The following GABARAPL1 variants were observed in gnomAD, a reference collection of about 807,000 sequenced individuals.
GABARAPL1 encodes the protein GABA type A receptor associated protein like 1, also known as gamma-aminobutyric acid receptor-associated protein-like 1.
A neutral mutation model predicts 14.5 loss-of-function variants in GABARAPL1; 4 were observed. The observed-to-expected ratio is 0.28, with a 90% CI of 0.14 to 0.63. The LOEUF (loss-of-function observed/expected upper bound fraction) is 0.63. Ranked by LOEUF, GABARAPL1 falls within the 30% of genes least tolerant of loss-of-function variation. The probability of loss-of-function intolerance (pLI) is 0.84; values close to 1 mark genes in which losing one functional copy is unlikely to be tolerated. For missense variants in GABARAPL1, 82 were observed against 139.2 expected, an observed-to-expected ratio of 0.59 and a Z score of 2.07; for synonymous variants, 47 against 50.6, an observed-to-expected ratio of 0.93 and a Z score of 0.30.
At chr12:10,220,872 G>C in intron 3 of GABARAPL1, 1 of 1,413,816 alleles carries the variant, frequency 7.1e-7, no homozygotes, top group South Asian at 1.6e-5. Flanking sequence ...GTTCCAAAGC[G>C]TCAGCCCATC....
At chr12:10,217,444 G>C (rs750821653) in intron 1 of GABARAPL1, among the ~76,000 whole-genome samples, 1 of 152,154 alleles carries the variant, frequency 6.6e-6, no homozygotes, top group Non-Finnish European at 1.5e-5. Flanking sequence ...TTAAATACCA[G>C]AAGGTGGCCA....
chr12:10,214,580 AGTTTTATTG>A (rs1385021404), intron 1 of GABARAPL1: 8 of 152,194 alleles, frequency 5.3e-5, no homozygotes, highest in Non-Finnish European at 1.0e-4. Context: ...AATACAATCA[AGTTTTATTG>A]ATAGTTTACC....
At chr12:10,219,318 CA>C (rs199678817) in intron 2 of GABARAPL1, among the ~76,000 whole-genome samples, 4 of 112,776 alleles carry the variant, frequency 3.5e-5, no homozygotes, top group Admixed American at 1.1e-4. Context: ...GACTCCGCCT[CA>C]AAAAAACAAA....
rs535086810 is a variant in GABARAPL1, at chr12:10,216,163, G to A, written c.91-1900G>A. ...AGGCGGGTGGAGCACTTGAGGTCAG[G>A]AGTTCGAAACCAGCCTGGCATCATG... On this transcript the variant is annotated intron_variant, in intron 1 of 3. Coordinates refer to ENST00000266458, the MANE Select transcript of GABARAPL1 (RefSeq NM_031412.4). Among the ~76,000 whole-genome samples the A allele has an allele frequency of 3.9e-5, 6 of 152,158 alleles. No individual in the cohort carries two copies. The East Asian group carries it at 1.2e-3, about 29-fold the overall frequency.
At chr12:10,213,841 G>A in intron 1 of GABARAPL1, 3 of 455,908 alleles carry the variant, frequency 6.6e-6, no homozygotes, top group Non-Finnish European at 1.3e-5. Context: ...TCTAGGCTCC[G>A]GGGCTTGTGT....
intron 2 of GABARAPL1, among the ~76,000 whole-genome samples, chr12:10,218,954 C>T (rs1949105198): frequency 6.6e-6 from 1 of 151,860 alleles, no homozygotes; most frequent in Admixed American, 6.5e-5. Context: ...TCAGGTGATC[C>T]ACCCGCCTTG....
intron 1 of GABARAPL1, among the ~76,000 whole-genome samples, chr12:10,217,323 C>CA (rs1317865314): frequency 6.6e-6 from 1 of 152,114 alleles, no homozygotes; most frequent in African/African-American, 2.4e-5. Flanking sequence ...GAAATTTTGA[C>CA]AAAGATTTAA....
In GABARAPL1 at chr12:10,212,911, G is replaced by A. The variant is rs1347962709; in HGVS notation, c.-219G>A. ...CTCCCAGCTCTAGCGAAAAGCCGCCGGTATTTCTCCATCTGGCTCTCCTCT... is the reference window on the plus strand; with the variant it reads ...CTCCCAGCTCTAGCGAAAAGCCGCCAGTATTTCTCCATCTGGCTCTCCTCT... On this transcript the variant is annotated 5_prime_UTR_variant, in exon 1 of 4. Transcript: ENST00000266458. 1 of 490,412 alleles carries A rather than the reference G, an allele frequency of 2.0e-6. No individual in the cohort carries two copies. The highest frequency in any genetic ancestry group is 3.7e-5 in the Admixed American group (1 of 26,858). The allele number at this position is 490,412 out of a possible 1,614,324, so 30.4% of individuals were successfully genotyped here. A position where few individuals can be genotyped will look rare whatever the true frequency, so the allele number is the denominator to read the frequency against.
intron 1 of GABARAPL1, among the ~76,000 whole-genome samples, chr12:10,216,367 A>G (rs73058094): frequency 1.5e-3 from 231 of 151,368 alleles, no homozygotes; most frequent in Admixed American, 2.8e-3. Flanking sequence ...GTGACACTCG[A>G]CCTCAAAAAA....
intron 1 of GABARAPL1, chr12:10,213,551 G>C (rs1321186420): frequency 8.8e-6 from 3 of 340,004 alleles, no homozygotes; most frequent in Non-Finnish European, 1.7e-5. Flanking sequence ...GCCCCTGTGG[G>C]CGAGACTGGT....
chr12:10,213,768 A>G (rs1949072056), intron 1 of GABARAPL1: 1 of 449,946 alleles, frequency 2.2e-6, no homozygotes, highest in Non-Finnish European at 4.5e-6. Context: ...GGGGAGCACA[A>G]GACAGTCCTG....
At chr12:10,219,344 A>AC (rs1949107759) in intron 2 of GABARAPL1, among the ~76,000 whole-genome samples, 1 of 151,640 alleles carries the variant, frequency 6.6e-6, no homozygotes, top group Non-Finnish European at 1.5e-5. Context: ...AAAAAAAAAA[A>AC]ACCCCAAAAT....
At chr12:10,220,971 G>T (rs1169182818) in intron 3 of GABARAPL1, 2 of 1,250,192 alleles carry the variant, frequency 1.6e-6, no homozygotes, top group East Asian at 6.6e-5. Context: ...GCAACAGATT[G>T]AGAAAGCACG....
At chr12:10,213,884 A>G in intron 1 of GABARAPL1, 1 of 455,868 alleles carries the variant, frequency 2.2e-6, no homozygotes, top group Non-Finnish European at 4.4e-6. Flanking sequence ...TTGATTTCTG[A>G]TCACCTGGTA....
intron 1 of GABARAPL1, among the ~76,000 whole-genome samples, chr12:10,216,638 C>T (rs1949091717): frequency 6.7e-6 from 1 of 148,238 alleles, no homozygotes; most frequent in Non-Finnish European, 1.5e-5. Context: ...CTCCCAGGTT[C>T]ATGCGATTCT....
chr12:10,213,836 G>A (rs1386739682), intron 1 of GABARAPL1: 1 of 455,828 alleles, frequency 2.2e-6, no homozygotes, highest in Non-Finnish European at 4.4e-6. Context: ...ATCGTTCTAG[G>A]CTCCGGGGCT....
chr12:10,215,455 G>A (rs779241973), intron 1 of GABARAPL1, among the ~76,000 whole-genome samples: 6 of 152,130 alleles, frequency 3.9e-5, no homozygotes, highest in Non-Finnish European at 8.8e-5. Flanking sequence ...CTGAGTATTA[G>A]TCACATTTTA....
rs759676348 is a variant in GABARAPL1 at position 10,213,103 on chromosome 12, G to T, written c.-27G>T. On this transcript the variant is annotated 5_prime_UTR_variant, in exon 1 of 4. Coordinates refer to ENST00000266458, the MANE Select transcript of GABARAPL1 (RefSeq NM_031412.4). Reference sequence around the variant, plus strand: ...CGGCGAAGGAGGCAGGCCCCGCGCGGGGATCTCGGAAGCCCTGCGGTGCAT... The same window carrying T: ...CGGCGAAGGAGGCAGGCCCCGCGCGTGGATCTCGGAAGCCCTGCGGTGCAT... 12 of 1,461,474 alleles carry T rather than the reference G, an allele frequency of 8.2e-6. No individual in the cohort carries two copies. The highest frequency in any genetic ancestry group is 1.1e-5 in the Non-Finnish European group (12 of 1,057,874). The allele number at this position is 1,461,474 out of a possible 1,614,324, so 90.5% of individuals were successfully genotyped here. A position where few individuals can be genotyped will look rare whatever the true frequency, so the allele number is the denominator to read the frequency against.
rs539778912 is a variant in GABARAPL1, at chr12:10,222,525, TATTAAATAGC to T, written c.*680_*689del. On this transcript the variant is annotated 3_prime_UTR_variant, in exon 4 of 4. Transcript: ENST00000266458. ...GTTGTGATTAAGAAGATGGTTTTGT[TATTAAATAGC>T]ATTAAACTGGAATTGACAAGAGTGT... 326 of 152,938 alleles carry T rather than the reference TATTAAATAGC, an allele frequency of 2.1e-3. 1 individual carries two copies. The highest frequency in any genetic ancestry group is 0.02 in the Middle Eastern group (6 of 294). The allele number at this position is 152,938 out of a possible 1,614,324, so 9.5% of individuals were successfully genotyped here. A position where few individuals can be genotyped will look rare whatever the true frequency, so the allele number is the denominator to read the frequency against.
Sources: allele counts gnomAD v4.1 joint callset (sites outside exome capture counted in the v4.1 genomes callset), GRCh38; gene constraint gnomAD v4.1.1; transcripts MANE v1.5; gene names NCBI Gene and HGNC (gene_info 2026-07-23, HGNC 2026-07-21).